The following CNTLN variants were observed in gnomAD, a reference collection of about 807,000 sequenced individuals.
CNTLN encodes the protein centlein, centrosomal protein.
A neutral mutation model predicts 180.0 loss-of-function variants in CNTLN; 212 were observed. That is an observed-to-expected ratio of 1.18 (90% CI 1.05 to 1.32). CNTLN has a LOEUF of 1.32. CNTLN is among the 40% of genes most tolerant of loss of function. The pLI is 0.00. For synonymous variants in CNTLN, 722 were observed against 563.1 expected, an observed-to-expected ratio of 1.28 and a Z score of -3.99; for missense variants, 2,095 against 1,610.9, an observed-to-expected ratio of 1.30 and a Z score of -5.14.
chr9:17,155,243 G>T (rs948856982), intron 2 of CNTLN, among the ~76,000 whole-genome samples: 1 of 152,202 alleles, frequency 6.6e-6, no homozygotes, highest in Non-Finnish European at 1.5e-5. Context: ...AAGTCAGCGA[G>T]ACCAAGAACC....
At chr9:17,458,865 G>A (rs1224296133) in intron 19 of CNTLN, among the ~76,000 whole-genome samples, 1 of 151,764 alleles carries the variant, frequency 6.6e-6, no homozygotes, top group South Asian at 2.1e-4. Context: ...AAGAAGTGTT[G>A]TGCAATTTCG....
At position 17,451,425 on chromosome 9, in the gene CNTLN, G is replaced by C. The variant is rs192848339; in HGVS notation, c.3115-6099G>C. Among the ~76,000 whole-genome samples the C allele has an allele frequency of 9.2e-5, 14 of 152,306 alleles. No homozygotes were observed. In the East Asian group the frequency reaches 2.7e-3, roughly 29 times the overall value. On this transcript the variant is annotated intron_variant, in intron 18 of 25. Transcript: ENST00000380647. ...TTCAACATTAAATAGTCTTAAGTCA[G>C]TCCTAAGCAGAATTTAAGATGAGAG...
At chr9:17,269,030 C>G (rs569864348) in intron 5 of CNTLN, among the ~76,000 whole-genome samples, 1 of 152,046 alleles carries the variant, frequency 6.6e-6, no homozygotes, top group Non-Finnish European at 1.5e-5. Context: ...GCGCACGGTG[C>G]GCTGCACCCA....
intron 2 of CNTLN, among the ~76,000 whole-genome samples, chr9:17,197,957 T>C (rs1249435854): frequency 1.3e-5 from 2 of 152,212 alleles, no homozygotes; most frequent in Non-Finnish European, 2.9e-5. Context: ...TGCATATGTA[T>C]ATCCAGTTTT....
the CNTLN span, among the ~76,000 whole-genome samples, chr9:17,524,618 T>C: frequency 1.4e-4 from 22 of 152,388 alleles, no homozygotes; most frequent in African/African-American, 5.3e-4. Flanking sequence ...ACAATTACAA[T>C]ATTCCATTGC....
At chr9:17,482,399 T>C (rs1382289358) in intron 23 of CNTLN, among the ~76,000 whole-genome samples, 1 of 152,008 alleles carries the variant, frequency 6.6e-6, no homozygotes, top group Non-Finnish European at 1.5e-5. Context: ...AGAAATAAAC[T>C]AGATCTATAA....
chr9:17,232,205 C>G (rs544868086), intron 3 of CNTLN, among the ~76,000 whole-genome samples: 67 of 151,818 alleles, frequency 4.4e-4, no homozygotes, highest in Non-Finnish European at 6.0e-4. Context: ...TTTATCAGTG[C>G]TCTTGTGTTG....
At chr9:17,204,516 G>C (rs77148138) in intron 2 of CNTLN, among the ~76,000 whole-genome samples, 4,161 of 152,272 alleles carry the variant, frequency 0.027, 151 homozygotes, top group East Asian at 0.16. Flanking sequence ...GAGAACAGCA[G>C]TGATTGCTGC....
chr9:17,162,805 G>A (rs925101569), intron 2 of CNTLN, among the ~76,000 whole-genome samples: 1 of 152,116 alleles, frequency 6.6e-6, no homozygotes, highest in Non-Finnish European at 1.5e-5. Flanking sequence ...TTCTAACTGG[G>A]CAGGGTGAAG....
chr9:17,269,301 A>C (rs1008365414), intron 5 of CNTLN, among the ~76,000 whole-genome samples: 1 of 152,092 alleles, frequency 6.6e-6, no homozygotes. Context: ...TCTTCTGCTA[A>C]CTTTTGGTTC....
At chr9:17,325,402 GTGTGTGTGTGTA>G (rs1820209938) in intron 8 of CNTLN, among the ~76,000 whole-genome samples, 1 of 139,398 alleles carries the variant, frequency 7.2e-6, no homozygotes, top group African/African-American at 2.6e-5. Flanking sequence ...GTGTGTGTGT[GTGTGTGTGTGTA>G]TGTATACACA....
rs1252135523 is a variant in CNTLN, at chr9:17,288,658, T to C, written c.984-9532T>C. On this transcript the variant is annotated intron_variant, in intron 6 of 25. Coordinates refer to ENST00000380647, the MANE Select transcript of CNTLN (RefSeq NM_017738.4). ...GTGGGAGTCTAAGTCTCTTTGTAGGTCACTCAGGACTTGCTTTATGAATCT... is the reference window on the plus strand; with the variant it reads ...GTGGGAGTCTAAGTCTCTTTGTAGGCCACTCAGGACTTGCTTTATGAATCT... Among the ~76,000 whole-genome samples, 4 of 136,210 alleles carry C rather than the reference T, an allele frequency of 2.9e-5. 1 individual carries two copies. The East Asian group carries it at 8.3e-4, about 28-fold the overall frequency. The allele number at this position is 136,210 out of a possible 152,430, so 89.4% of individuals were successfully genotyped here. A position where few individuals can be genotyped will look rare whatever the true frequency, so the allele number is the denominator to read the frequency against.
At chr9:17,251,280 A>C (rs1826123214) in intron 5 of CNTLN, among the ~76,000 whole-genome samples, 1 of 151,918 alleles carries the variant, frequency 6.6e-6, no homozygotes, top group Non-Finnish European at 1.5e-5. Flanking sequence ...TTGGATTTGT[A>C]GATTCATATC....
chr9:17,518,487 G>C, the CNTLN span, among the ~76,000 whole-genome samples: 1 of 152,156 alleles, frequency 6.6e-6, no homozygotes, highest in Admixed American at 6.5e-5. Flanking sequence ...CCTCCTGGCA[G>C]AGGGAAGTGT....
chr9:17,466,966 G>A (rs1831789558), intron 23 of CNTLN, 75 bp downstream of exon 23: 2 of 1,014,440 alleles, frequency 2.0e-6, no homozygotes, highest in African/African-American at 1.7e-5. Context: ...GAGATGATTT[G>A]GGGAATAAAG....
At chr9:17,421,673 A>G (rs1329705402) in intron 18 of CNTLN, among the ~76,000 whole-genome samples, 1 of 151,900 alleles carries the variant, frequency 6.6e-6, no homozygotes, top group Non-Finnish European at 1.5e-5. Flanking sequence ...TTTGTGTAAA[A>G]GTGATTTTTC....
chr9:17,325,544 A>G (rs1490420899), intron 8 of CNTLN, among the ~76,000 whole-genome samples: 1 of 110,138 alleles, frequency 9.1e-6, no homozygotes, highest in Non-Finnish European at 1.9e-5. Flanking sequence ...ATACACATGT[A>G]ACAGATTTTA....
rs552184741 is a variant in CNTLN at position 17,494,133 on chromosome 9, A to G, written c.4119+7067A>G. On this transcript the variant is annotated intron_variant, in intron 25 of 25. Coordinates refer to ENST00000380647, the MANE Select transcript of CNTLN (RefSeq NM_017738.4). ...ACCGTTTGAGGCCTGGGGAAAATAC[A>G]TGGAAAATAACTCAAACTTAGTATG... Among the ~76,000 whole-genome samples, 123 of 152,338 alleles carry G rather than the reference A, an allele frequency of 8.1e-4. No homozygotes were observed. The South Asian group carries it at 0.024, about 30-fold the overall frequency.
intron 5 of CNTLN, among the ~76,000 whole-genome samples, chr9:17,240,392 G>A (rs145316180): frequency 0.016 from 2,401 of 151,614 alleles, 69 homozygotes; most frequent in African/African-American, 0.056. Context: ...ATCATATCAT[G>A]ACAGCTGCAA....
Sources: gnomAD v4.1 joint callset for allele counts (sites outside exome capture counted in the v4.1 genomes callset) on GRCh38, gnomAD v4.1.1 for gene constraint, MANE v1.5 for transcripts, NCBI Gene and HGNC (gene_info 2026-07-23, HGNC 2026-07-21) for gene names.